PDE10A: variants seen among roughly 807,000 people sequenced by gnomAD.
PDE10A encodes phosphodiesterase 10A, also known as cAMP and cAMP-inhibited cGMP 3',5'-cyclic phosphodiesterase 10A.
PDE10A carries 39 observed loss-of-function variants against 97.7 expected under a neutral mutation model. The observed-to-expected ratio is 0.40, with a 90% CI of 0.31 to 0.52. PDE10A has a LOEUF of 0.52. PDE10A is among the 20% of genes least tolerant of loss of function. The probability of loss-of-function intolerance (pLI) is 0.56; values close to 1 mark genes in which losing one functional copy is unlikely to be tolerated. For synonymous variants in PDE10A, 371 were observed against 376.8 expected (o/e 0.98, Z 0.18); for missense variants, 731 against 1,047.8 (o/e 0.70, Z 4.17).
chr6:165,979,856 A>T (rs923365746), intron 1 of PDE10A, among the ~76,000 whole-genome samples: 2 of 152,244 alleles, frequency 1.3e-5, no homozygotes, highest in Non-Finnish European at 2.9e-5. Flanking sequence ...ACCAATTACA[A>T]TTCTCACAAA....
chr6:165,776,126 T>C (rs909660316), intron 1 of PDE10A, among the ~76,000 whole-genome samples: 8 of 152,244 alleles, frequency 5.3e-5, no homozygotes, highest in Admixed American at 2.6e-4. Context: ...AAACTGTTTC[T>C]TCACAAATAT....
intron 1 of PDE10A, among the ~76,000 whole-genome samples, chr6:165,633,102 A>G (rs1394495563): frequency 6.6e-6 from 1 of 152,082 alleles, no homozygotes; most frequent in Non-Finnish European, 1.5e-5. Context: ...GAAAAGAAAA[A>G]AGAAAAAAAA....
At chr6:165,878,563 A>C (rs570022278) in intron 1 of PDE10A, among the ~76,000 whole-genome samples, 1 of 152,330 alleles carries the variant, frequency 6.6e-6, no homozygotes, top group African/African-American at 2.4e-5. Flanking sequence ...TCTTGAAGAA[A>C]CAGTCACTTG....
chr6:165,558,167 C>T (rs886663770), intron 1 of PDE10A, among the ~76,000 whole-genome samples: 1 of 152,050 alleles, frequency 6.6e-6, no homozygotes, highest in Non-Finnish European at 1.5e-5. Flanking sequence ...ATGTATACTG[C>T]GGCACTATTC....
At chr6:165,566,666 A>G (rs528142423) in intron 1 of PDE10A, among the ~76,000 whole-genome samples, 91 of 152,198 alleles carry the variant, frequency 6.0e-4, no homozygotes, top group Non-Finnish European at 1.1e-3. Flanking sequence ...GACAAATCAC[A>G]AAGTGCCTGA....
chr6:165,449,039 T>C, intron 4 of PDE10A, 62 bp from the exon 5 acceptor site: 1 of 1,155,922 alleles, frequency 8.7e-7, no homozygotes, highest in South Asian at 1.2e-5. Flanking sequence ...CATGTATGCA[T>C]CCTCCAGGGT....
chr6:165,606,673 TA>T (rs1787224272), intron 1 of PDE10A, among the ~76,000 whole-genome samples: 1 of 151,830 alleles, frequency 6.6e-6, no homozygotes, highest in Admixed American at 6.6e-5. Flanking sequence ...TAAGAGGAGG[TA>T]AGTGTACCAG....
In PDE10A at chr6:165,671,768, G is replaced by A. The variant is rs1790654117; in HGVS notation, c.-614-128200C>T. Reference sequence around the variant, plus strand: ...GTGTGTGTTTACATATATACAGTGTGTGTGTGCTTTATTCTCTAAGGCAGG... The same window carrying A: ...GTGTGTGTTTACATATATACAGTGTATGTGTGCTTTATTCTCTAAGGCAGG... On this transcript the variant is annotated intron_variant, in intron 1 of 19. Coordinates refer to the PDE10A transcript ENST00000366882. The surrounding 1 kb of genome is among the most constrained non-coding windows in gnomAD (Gnocchi z 4.6). Among the ~76,000 whole-genome samples the A allele has an allele frequency of 6.6e-6, 1 of 152,140 alleles. No homozygotes were observed. The highest frequency in any genetic ancestry group is 6.5e-5 in the Admixed American group (1 of 15,280).
intron 1 of PDE10A, among the ~76,000 whole-genome samples, chr6:165,960,779 C>T (rs1205541703): frequency 6.6e-6 from 1 of 152,164 alleles, no homozygotes; most frequent in Non-Finnish European, 1.5e-5. Context: ...CACAGACAGA[C>T]CCGATCCTCA....
At position 165,358,511 on chromosome 6, in the gene PDE10A, GT is replaced by G. The variant is rs58321856; in HGVS notation, c.2784-15010del. 4.8e-3 allele frequency among the ~76,000 whole-genome samples: 705 copies of G among 146,362 alleles called. 5 individuals are homozygous for G. Among genetic ancestry groups the G allele is most frequent in the Non-Finnish European group, 7.6e-3 (505 of 66,364 alleles). On this transcript the variant is annotated intron_variant, in intron 18 of 21. Transcript: ENST00000539869. ...GTACAATTTTAATATAGGTACACCAGTTTTTTTTTTTTAATGCTGTTGCCAT... is the reference window on the plus strand; with the variant it reads ...GTACAATTTTAATATAGGTACACCAGTTTTTTTTTTTAATGCTGTTGCCAT...
At chr6:165,376,267 C>A (rs187567459) in intron 18 of PDE10A, among the ~76,000 whole-genome samples, 1 of 152,282 alleles carries the variant, frequency 6.6e-6, no homozygotes, top group East Asian at 1.9e-4. Flanking sequence ...GAGGAAGAAA[C>A]TGCAGATGTG....
intron 1 of PDE10A, among the ~76,000 whole-genome samples, chr6:165,710,973 A>G (rs1162057674): frequency 6.6e-6 from 1 of 152,218 alleles, no homozygotes; most frequent in Non-Finnish European, 1.5e-5. Flanking sequence ...GGAAGGGCAG[A>G]CCATCCCCGT....
intron 1 of PDE10A, among the ~76,000 whole-genome samples, chr6:165,585,193 G>C (rs758875161): frequency 2.0e-4 from 31 of 152,180 alleles, no homozygotes; most frequent in Non-Finnish European, 4.3e-4. Context: ...ATTTTTGGTT[G>C]TAAGTAAGAT....
intron 10 of PDE10A, among the ~76,000 whole-genome samples, chr6:165,427,730 C>T (rs1195373602): frequency 1.3e-5 from 2 of 152,112 alleles, no homozygotes; most frequent in Non-Finnish European, 2.9e-5. Flanking sequence ...GTACCCCTAG[C>T]ATAAGCTCAG....
chr6:165,765,579 G>T (rs557003648), intron 1 of PDE10A, among the ~76,000 whole-genome samples: 2 of 152,334 alleles, frequency 1.3e-5, no homozygotes, highest in South Asian at 4.1e-4. Flanking sequence ...GCTGCTCCGA[G>T]TGCGGGGCCC....
intron 5 of PDE10A, among the ~76,000 whole-genome samples, chr6:165,444,078 C>G (rs182247073): frequency 6.6e-6 from 1 of 152,310 alleles, no homozygotes; most frequent in East Asian, 1.9e-4. Flanking sequence ...ACAAAACCTT[C>G]TCTTCATGAA....
At chr6:165,357,132 T>C (rs1322815303) in intron 18 of PDE10A, among the ~76,000 whole-genome samples, 1 of 152,170 alleles carries the variant, frequency 6.6e-6, no homozygotes, top group Admixed American at 6.5e-5. Flanking sequence ...CTACATCTAT[T>C]GTAATAATCA....
chr6:165,509,718 T>C (rs970147190), intron 2 of PDE10A, among the ~76,000 whole-genome samples: 3 of 151,940 alleles, frequency 2.0e-5, no homozygotes, highest in African/African-American at 7.2e-5. Context: ...TATCTTTCCA[T>C]TTGTTTGTAT....
At chr6:165,639,757 A>AG (rs201115533) in intron 1 of PDE10A, among the ~76,000 whole-genome samples, 6,136 of 147,052 alleles carry the variant, frequency 0.042, 129 homozygotes, top group East Asian at 0.095. Context: ...AAAAAAAAAA[A>AG]AGAGAGAGAG....
Sources: allele counts gnomAD v4.1 joint callset (sites outside exome capture counted in the v4.1 genomes callset), GRCh38; gene constraint gnomAD v4.1.1; non-coding constraint Gnocchi (gnomAD v3.1); transcripts MANE v1.5; gene names NCBI Gene and HGNC (gene_info 2026-07-23, HGNC 2026-07-21).